Variants in CDH12 observed in about 807,000 individuals in gnomAD.
CDH12 encodes the protein cadherin 12, also known as cadherin-12.
CDH12 carries 41 observed loss-of-function variants against 74.1 expected under a neutral mutation model. That is an observed-to-expected ratio of 0.55 (90% CI 0.43 to 0.72). The LOEUF (loss-of-function observed/expected upper bound fraction) is 0.72, where lower values mean the gene tolerates loss of function less well. CDH12 is among the 30% of genes least tolerant of loss of function. The pLI, the probability that CDH12 is intolerant of heterozygous loss-of-function variation, is 0.00. For synonymous variants in CDH12, 399 were observed against 355.0 expected (o/e 1.12, Z -1.39); for missense variants, 945 against 977.2 (o/e 0.97, Z 0.44).
chr5:22,317,077 G>A (rs1471616794), intron 3 of CDH12, among the ~76,000 whole-genome samples: 1 of 152,030 alleles, frequency 6.6e-6, no homozygotes, highest in African/African-American at 2.4e-5. Context: ...TAGCACTTTG[G>A]GAGACCGAGG....
intron 8 of CDH12, among the ~76,000 whole-genome samples, chr5:21,840,991 G>C (rs1488189272): frequency 4.6e-5 from 7 of 151,770 alleles, no homozygotes; most frequent in Non-Finnish European, 8.8e-5. Flanking sequence ...GGCAACAAAA[G>C]CCAAAATTGA....
At chr5:22,472,090 A>T (rs1187136596) in intron 2 of CDH12, among the ~76,000 whole-genome samples, 1 of 152,262 alleles carries the variant, frequency 6.6e-6, no homozygotes, top group Non-Finnish European at 1.5e-5. Flanking sequence ...TGAAGGACTG[A>T]TATGTCAAGG....
chr5:22,509,124 A>T (rs1168683003), intron 1 of CDH12, among the ~76,000 whole-genome samples: 1 of 152,194 alleles, frequency 6.6e-6, no homozygotes, highest in Non-Finnish European at 1.5e-5. Context: ...ACACAATGAA[A>T]GGGTGTTTTA....
At chr5:22,156,806 G>A (rs1748046893) in intron 4 of CDH12, among the ~76,000 whole-genome samples, 1 of 152,066 alleles carries the variant, frequency 6.6e-6, no homozygotes, top group Non-Finnish European at 1.5e-5. Flanking sequence ...CACTGAGATG[G>A]CAAGCATTTT....
chr5:22,455,090 G>A (rs975138272), intron 2 of CDH12, among the ~76,000 whole-genome samples: 2 of 152,126 alleles, frequency 1.3e-5, no homozygotes, highest in African/African-American at 4.8e-5. Context: ...GAGAAGTTTG[G>A]GAAATATAAA....
intron 1 of CDH12, among the ~76,000 whole-genome samples, chr5:22,701,704 C>CAATCTCAGTTCAATCTCATTTCA: frequency 6.6e-6 from 1 of 152,106 alleles, no homozygotes; most frequent in Non-Finnish European, 1.5e-5. Flanking sequence ...CAGGCTTCTT[C>CAATCTCAGTTCAATCTCATTTCA]ATATCATTTC....
chr5:21,782,999 T>C (rs571444200), intron 11 of CDH12, among the ~76,000 whole-genome samples: 1 of 152,266 alleles, frequency 6.6e-6, no homozygotes, highest in South Asian at 2.1e-4. Context: ...TGATTTTACA[T>C]GATAATTATT....
chr5:22,714,701 G>A (rs545519765), intron 1 of CDH12, among the ~76,000 whole-genome samples: 31 of 152,168 alleles, frequency 2.0e-4, no homozygotes, highest in Admixed American at 9.8e-4. Context: ...CAATAGGCCC[G>A]CCTAATATTG....
At chr5:21,845,951 C>T (rs796436059) in intron 7 of CDH12, among the ~76,000 whole-genome samples, 7 of 152,192 alleles carry the variant, frequency 4.6e-5, no homozygotes, top group African/African-American at 1.2e-4. Context: ...GAAGCTTGCT[C>T]GGGGGAATGC....
At chr5:22,579,846 A>G (rs778799379) in intron 1 of CDH12, among the ~76,000 whole-genome samples, 36 of 152,186 alleles carry the variant, frequency 2.4e-4, no homozygotes, top group Non-Finnish European at 4.6e-4. Context: ...CACATTAAAA[A>G]TCCTCAAAAT....
intron 3 of CDH12, among the ~76,000 whole-genome samples, chr5:22,382,559 T>C (rs1028742049): frequency 6.6e-6 from 1 of 151,844 alleles, no homozygotes; most frequent in Non-Finnish European, 1.5e-5. Flanking sequence ...CTTTTCATCT[T>C]CAAGATTTTA....
At chr5:22,271,389 G>A (rs1277860117) in intron 3 of CDH12, among the ~76,000 whole-genome samples, 3 of 152,058 alleles carry the variant, frequency 2.0e-5, no homozygotes, top group Non-Finnish European at 2.9e-5. Flanking sequence ...TTGTCATCAC[G>A]TCTGCAGTTA....
intron 5 of CDH12, among the ~76,000 whole-genome samples, chr5:22,074,150 A>G (rs1173236569): frequency 6.6e-6 from 1 of 152,170 alleles, no homozygotes; most frequent in Non-Finnish European, 1.5e-5. Context: ...GCCCTCAGAA[A>G]TAATGCTGCA....
At position 22,151,620 on chromosome 5, in the gene CDH12, T is replaced by C. The variant is rs577650445; in HGVS notation, c.-187+60878A>G. On this transcript the variant is annotated intron_variant, in intron 4 of 14. Transcript: ENST00000382254. ...TCACAAATCAAGAGCATGTTAGGAC[T>C]ATAGGTCCTCATTTTCCTAACTGCA... Among the ~76,000 whole-genome samples the C allele has an allele frequency of 5.3e-5, 8 of 152,282 alleles. No homozygotes were observed. The East Asian group carries it at 7.8e-4, about 15-fold the overall frequency.
At chr5:22,572,414 G>T (rs1040053900) in intron 1 of CDH12, among the ~76,000 whole-genome samples, 5 of 151,994 alleles carry the variant, frequency 3.3e-5, no homozygotes, top group Non-Finnish European at 5.9e-5. Flanking sequence ...TTACTTAAAT[G>T]CAATGAAATT....
At chr5:22,242,202 A>G (rs1752775853) in intron 3 of CDH12, among the ~76,000 whole-genome samples, 1 of 152,184 alleles carries the variant, frequency 6.6e-6, no homozygotes, top group African/African-American at 2.4e-5. Context: ...TAAAGAGCAT[A>G]TAGTGGGTGC....
In CDH12 at chr5:22,493,581, T is replaced by A. The variant is rs1746979668; in HGVS notation, c.-428+11689A>T. 1.3e-5 allele frequency among the ~76,000 whole-genome samples: 2 copies of A among 152,198 alleles called. 1 individual carries two copies. Among genetic ancestry groups the A allele is most frequent in the Admixed American group, 1.3e-4 (2 of 15,274 alleles). ...TTTTTTGGTTTTTTTTGAAAAATTTTTTTTTTTGTCCTTACTTTTTCCTTT... is the reference window on the plus strand; with the variant it reads ...TTTTTTGGTTTTTTTTGAAAAATTTATTTTTTTGTCCTTACTTTTTCCTTT... On this transcript the variant is annotated intron_variant, in intron 2 of 14. Coordinates refer to ENST00000382254, the MANE Select transcript of CDH12 (RefSeq NM_004061.5).
intron 1 of CDH12, among the ~76,000 whole-genome samples, chr5:22,749,592 A>G (rs1481562034): frequency 2.0e-5 from 3 of 152,214 alleles, no homozygotes; most frequent in Admixed American, 2.0e-4. Flanking sequence ...TATTACTAGC[A>G]TGAGTAGAAT....
chr5:22,445,768 G>C (rs1228505636), intron 2 of CDH12, among the ~76,000 whole-genome samples: 1 of 152,058 alleles, frequency 6.6e-6, no homozygotes, highest in Non-Finnish European at 1.5e-5. Flanking sequence ...TGGGCATACT[G>C]CTGTTTGAAG....
Sources: gnomAD v4.1 joint callset for allele counts (sites outside exome capture counted in the v4.1 genomes callset) on GRCh38, gnomAD v4.1.1 for gene constraint, MANE v1.5 for transcripts, NCBI Gene and HGNC (gene_info 2026-07-23, HGNC 2026-07-21) for gene names.